The following KHDRBS3 variants were observed in gnomAD, a reference collection of about 807,000 sequenced individuals.
The protein encoded by KHDRBS3 is KH domain-containing, RNA-binding, signal transduction-associated protein 3.
Under a neutral mutation model 45.6 loss-of-function variants are expected in KHDRBS3, and 23 were observed. That is an observed-to-expected ratio of 0.50 (90% CI 0.36 to 0.72). The LOEUF is 0.72. Ranked by LOEUF, KHDRBS3 falls within the 30% of genes least tolerant of loss-of-function variation. The pLI is 0.00. For missense variants in KHDRBS3, 352 were observed against 424.8 expected (o/e 0.83, Z 1.51); for synonymous variants, 162 against 156.5 (o/e 1.04, Z -0.26).
intron 7 of KHDRBS3, among the ~76,000 whole-genome samples, chr8:135,611,874 T>C (rs1376644183): frequency 1.3e-5 from 2 of 151,782 alleles, no homozygotes; most frequent in African/African-American, 4.9e-5. Context: ...GTTTCAGAAT[T>C]AGGAACCTGA....
chr8:135,478,718 A>G (rs1046397995), intron 1 of KHDRBS3, among the ~76,000 whole-genome samples: 9 of 152,368 alleles, frequency 5.9e-5, no homozygotes, highest in African/African-American at 1.9e-4. Context: ...ACAAACTCCA[A>G]AATAACCAGT....
intron 6 of KHDRBS3, among the ~76,000 whole-genome samples, chr8:135,584,257 C>T (rs1054277573): frequency 1.3e-5 from 2 of 152,204 alleles, no homozygotes; most frequent in African/African-American, 4.8e-5. Flanking sequence ...AACTGACGGT[C>T]ATATCCGCCA....
chr8:135,501,423 G>A (rs1327811022), intron 1 of KHDRBS3, among the ~76,000 whole-genome samples: 1 of 152,146 alleles, frequency 6.6e-6, no homozygotes, highest in African/African-American at 2.4e-5. Context: ...GTTTCTATGA[G>A]TTGCAAAAAT....
intron 5 of KHDRBS3, among the ~76,000 whole-genome samples, chr8:135,569,188 T>C (rs369623693): frequency 2.6e-5 from 4 of 152,168 alleles, no homozygotes; most frequent in Admixed American, 6.5e-5. Flanking sequence ...GGAAGAAGTT[T>C]TCTGAAATTC....
At chr8:135,539,918 C>T (rs1424190355) in intron 2 of KHDRBS3, 1 of 151,984 alleles carries the variant, frequency 6.6e-6, no homozygotes, top group Admixed American at 6.6e-5. Context: ...TTCTTTTTAC[C>T]TGGAATGCTG....
chr8:135,505,452 G>A (rs771090699), intron 1 of KHDRBS3, among the ~76,000 whole-genome samples: 32 of 152,084 alleles, frequency 2.1e-4, no homozygotes, highest in Non-Finnish European at 4.1e-4. Context: ...AAGACCTCCC[G>A]CCTGCTGATT....
At chr8:135,596,659 T>C (rs1828985904) in intron 6 of KHDRBS3, among the ~76,000 whole-genome samples, 3 of 152,182 alleles carry the variant, frequency 2.0e-5, no homozygotes, top group Non-Finnish European at 1.5e-5. Flanking sequence ...TGGATTCAGA[T>C]AGCAAACATT....
chr8:135,612,304 C>G (rs1829737632), intron 7 of KHDRBS3, among the ~76,000 whole-genome samples: 1 of 151,858 alleles, frequency 6.6e-6, no homozygotes. Context: ...CTTAGGAATT[C>G]TGCTTCAATA....
intron 2 of KHDRBS3, among the ~76,000 whole-genome samples, chr8:135,532,020 T>C (rs2130715793): frequency 6.6e-6 from 1 of 152,286 alleles, no homozygotes. Flanking sequence ...ATTATCAGGA[T>C]CTTGAAAATG....
At chr8:135,626,803 C>CAAAAA (rs57231709) in intron 7 of KHDRBS3, among the ~76,000 whole-genome samples, 2 of 91,104 alleles carry the variant, frequency 2.2e-5, no homozygotes, top group Non-Finnish European at 2.0e-5. Flanking sequence ...GACTCCGTCT[C>CAAAAA]AAAAAAAAAA....
chr8:135,578,625 T>C (rs1409268419), intron 5 of KHDRBS3, among the ~76,000 whole-genome samples: 2 of 152,228 alleles, frequency 1.3e-5, no homozygotes, highest in Non-Finnish European at 2.9e-5. Context: ...TGTAGCTTTA[T>C]AATAAGTCTT....
At chr8:135,460,803 A>C (rs778722988) in intron 1 of KHDRBS3, among the ~76,000 whole-genome samples, 6 of 152,224 alleles carry the variant, frequency 3.9e-5, no homozygotes, top group Admixed American at 3.9e-4. Flanking sequence ...TCCTGTGACT[A>C]GTGTATTAGT....
intron 5 of KHDRBS3, among the ~76,000 whole-genome samples, chr8:135,565,594 G>A (rs1182597266): frequency 6.6e-6 from 1 of 152,144 alleles, no homozygotes; most frequent in Non-Finnish European, 1.5e-5. Context: ...AGGGATACTT[G>A]CAGTCTGCCC....
chr8:135,586,328 C>CA (rs35518629), intron 6 of KHDRBS3, among the ~76,000 whole-genome samples: 21 of 149,448 alleles, frequency 1.4e-4, no homozygotes, highest in African/African-American at 1.7e-4. Context: ...AAAACAAAAC[C>CA]AAAAAAAAAA....
chr8:135,589,032 T>C (rs532772973), intron 6 of KHDRBS3, among the ~76,000 whole-genome samples: 2 of 152,328 alleles, frequency 1.3e-5, no homozygotes, highest in East Asian at 3.9e-4. Context: ...TCCTCATGAA[T>C]AGCTGTTTGA....
Position 135,639,354 on chromosome 8 carries a change from C to G in KHDRBS3, c.891-5705C>G, listed in dbSNP as rs1479070730. Among the ~76,000 whole-genome samples, 3 of 152,134 alleles carry G rather than the reference C, an allele frequency of 2.0e-5. No homozygotes were observed. The East Asian group carries it at 5.8e-4, about 29-fold the overall frequency. On this transcript the variant is annotated intron_variant, in intron 7 of 8. Transcript: ENST00000355849. The stretch of plus-strand genomic sequence containing the variant: ...CGTGGAGGGATTGGCTAAAGGAGGT[C>G]AGGTCAGTGGACAAGAGGAGCCAGA...
chr8:135,554,192 T>A (rs1563764313), intron 4 of KHDRBS3, among the ~76,000 whole-genome samples: 1 of 152,294 alleles, frequency 6.6e-6, no homozygotes, highest in East Asian at 1.9e-4. Flanking sequence ...AAAGATGATA[T>A]CTTAAATGGA....
chr8:135,589,193 C>T (rs1221988794), intron 6 of KHDRBS3, among the ~76,000 whole-genome samples: 1 of 152,152 alleles, frequency 6.6e-6, no homozygotes, highest in Admixed American at 6.5e-5. Flanking sequence ...CCATAGCCTC[C>T]TCAGTTGCAC....
intron 1 of KHDRBS3, among the ~76,000 whole-genome samples, chr8:135,502,699 C>T (rs1447300580): frequency 1.3e-5 from 2 of 152,082 alleles, no homozygotes; most frequent in African/African-American, 4.8e-5. Context: ...GTGCTTTTTC[C>T]AACCCGTCGA....
Sources: gnomAD v4.1 joint callset for allele counts (sites outside exome capture counted in the v4.1 genomes callset) on GRCh38, gnomAD v4.1.1 for gene constraint, MANE v1.5 for transcripts, NCBI Gene and HGNC (gene_info 2026-07-23, HGNC 2026-07-21) for gene names.